DHRS7C: variants seen among roughly 807,000 people sequenced by gnomAD.
The protein encoded by DHRS7C is dehydrogenase/reductase 7C.
DHRS7C carries 28 observed loss-of-function variants against 29.6 expected under a neutral mutation model. The ratio of observed to expected loss-of-function variants is 0.95; its 90% CI spans 0.70 to 1.30. The LOEUF is 1.30. Ranked by LOEUF, DHRS7C falls within the 50% of genes most tolerant of loss-of-function variation. DHRS7C has a pLI of 0.00. For missense variants in DHRS7C, 403 were observed against 393.3 expected (o/e 1.02, Z -0.21); for synonymous variants, 158 against 160.2 (o/e 0.99, Z 0.10).
chr17:9,776,489 C>T (rs1473055342), intron 4 of DHRS7C, among the ~76,000 whole-genome samples: 1 of 152,194 alleles, frequency 6.6e-6, no homozygotes, highest in African/African-American at 2.4e-5. Flanking sequence ...CTCCCTTCTT[C>T]CCTTCCACCC....
At chr17:9,785,748 C>T (rs1360224685) in intron 1 of DHRS7C, among the ~76,000 whole-genome samples, 1 of 152,126 alleles carries the variant, frequency 6.6e-6, no homozygotes, top group Non-Finnish European at 1.5e-5. Flanking sequence ...ATGTGCCAGG[C>T]CCATGGACCT....
In DHRS7C at chr17:9,775,312, T is replaced by A. The variant is rs2001384; in HGVS notation, c.571+1881A>T. 0.011 allele frequency among the ~76,000 whole-genome samples: 1,688 copies of A among 152,328 alleles called. 85 individuals carry two copies. Among genetic ancestry groups the A allele is most frequent in the Admixed American group, 0.088 (1,348 of 15,300 alleles). On this transcript the variant is annotated intron_variant, in intron 4 of 5. Transcript: ENST00000571134. The surrounding 1 kb of genome is among the most constrained non-coding windows in gnomAD (Gnocchi z 4.2). ...GGCAAAGACTGCTGTATGTGGCCCA[T>A]TCACTCTGCCCTTCTTCCTGGGCCC...
chr17:9,783,998 A>G (rs1319436213), intron 1 of DHRS7C, among the ~76,000 whole-genome samples: 1 of 149,214 alleles, frequency 6.7e-6, no homozygotes, highest in Non-Finnish European at 1.5e-5. Flanking sequence ...TCTGGGAGGG[A>G]AAAAAAGCTG....
chr17:9,784,885 A>G (rs1314237380), intron 1 of DHRS7C, among the ~76,000 whole-genome samples: 1 of 152,282 alleles, frequency 6.6e-6, no homozygotes, highest in African/African-American at 2.4e-5. Context: ...GTCTATTGAC[A>G]TGGAACGAAG....
At chr17:9,791,011 G>A (rs1567705318) in intron 1 of DHRS7C, 120 bp downstream of exon 1, 21 of 1,237,724 alleles carry the variant, frequency 1.7e-5, no homozygotes, top group Non-Finnish European at 2.2e-5. Flanking sequence ...AGAGAACACA[G>A]GATCGATCCC....
chr17:9,783,393 C>T (rs1464818630), intron 1 of DHRS7C, among the ~76,000 whole-genome samples: 1 of 152,090 alleles, frequency 6.6e-6, no homozygotes, highest in African/African-American at 2.4e-5. Flanking sequence ...TTAAATTGAT[C>T]CAGTAAATCA....
intron 3 of DHRS7C, among the ~76,000 whole-genome samples, chr17:9,779,014 A>T (rs1024957532): frequency 1.3e-5 from 2 of 151,996 alleles, no homozygotes; most frequent in Non-Finnish European, 2.9e-5. Flanking sequence ...GGTTCAGAAG[A>T]TCCTCCTGCC....
At chr17:9,782,647 C>A (rs968577118) in intron 1 of DHRS7C, among the ~76,000 whole-genome samples, 1 of 152,218 alleles carries the variant, frequency 6.6e-6, no homozygotes, top group Non-Finnish European at 1.5e-5. Context: ...GGCATCTGCA[C>A]GCCATTTGCA....
Position 9,791,421 on chromosome 17 carries a change from G to A in DHRS7C, c.-137C>T, listed in dbSNP as rs558310198. On this transcript the variant is annotated 5_prime_UTR_variant, in exon 1 of 6. Transcript: ENST00000571134. ...AGCCTCCAAGCTGAACACCCAGTGG[G>A]CGTGCTAATCCCCAAATGTTCAACA... The A allele has an allele frequency of 2.2e-6, 2 of 918,462 alleles. No homozygotes were observed. The highest frequency in any genetic ancestry group is 3.1e-6 in the Non-Finnish European group (2 of 635,072). The allele number at this position is 918,462 out of a possible 1,614,324, so 56.9% of individuals were successfully genotyped here.
intron 3 of DHRS7C, among the ~76,000 whole-genome samples, chr17:9,778,659 G>GAC (rs1454092427): frequency 6.6e-6 from 1 of 152,176 alleles, no homozygotes; most frequent in Non-Finnish European, 1.5e-5. Flanking sequence ...TTATCTCTGG[G>GAC]ACACCATTCT....
rs1440256988 is a variant in DHRS7C at position 9,780,141 on chromosome 17, T to C, written c.268-106A>G. 7 of 876,378 alleles carry C rather than the reference T, an allele frequency of 8.0e-6. No individual in the cohort carries two copies. In the Admixed American group the frequency reaches 1.6e-4, roughly 20 times the overall value. 54.3% of individuals were successfully genotyped at this position (876,378 alleles called of 1,614,324 possible). ...CACCCATTTTGAAATTCAAAGATAA[T>C]GAAATGACTGAAAAAAAAAAAAAGA... On this transcript the variant is annotated intron_variant, in intron 2 of 5. Transcript: ENST00000571134.
In DHRS7C at chr17:9,774,818, T is replaced by C. The variant is rs376601986; in HGVS notation, c.572-1896A>G. ...GACCCCAGGTCACTCCCACGCCAGC[T>C]CCTTGTGTCTTTCCAAAGCCGGATT... On this transcript the variant is annotated intron_variant, in intron 4 of 5. Transcript: ENST00000571134. The surrounding 1 kb of genome is among the most constrained non-coding windows in gnomAD (Gnocchi z 5.0). Among the ~76,000 whole-genome samples the C allele has an allele frequency of 6.6e-6, 1 of 152,254 alleles. No individual in the cohort carries two copies. The highest frequency in any genetic ancestry group is 1.5e-5 in the Non-Finnish European group (1 of 68,018).
intron 4 of DHRS7C, among the ~76,000 whole-genome samples, chr17:9,773,297 G>C (rs2066342330): frequency 6.6e-6 from 1 of 151,882 alleles, no homozygotes; most frequent in South Asian, 2.1e-4. Flanking sequence ...CTTCCTTCCT[G>C]GGAAGGCTGA....
rs201282175 is a variant in DHRS7C, at chr17:9,779,959, T to G, written c.344A>C (p.Asp115Ala). ...GAGGATGTCCACACAGCCATAGCAA[T>G]CCAGGACTTCTTTTGCCACATCTGG... ...CVPDVAKEVLDCYGCVDILIN... is the reference protein window; with the variant it reads ...CVPDVAKEVLACYGCVDILIN... The change falls in exon 3 of 6, where the codon GAT (aspartate) becomes GCT (alanine). Residue 115 changes from aspartate (D) to alanine (A), a missense_variant. Physicochemically the swap from Asp to Ala is moderately radical, Grantham distance 126 (BLOSUM62 -2). Coordinates refer to ENST00000571134, the MANE Select transcript of DHRS7C (RefSeq NM_001105571.3). 2.0e-4 allele frequency: 319 copies of G among 1,613,882 alleles called. No individual in the cohort carries two copies. In the African/African-American group the frequency reaches 3.7e-3, roughly 19 times the overall value.
At chr17:9,783,339 G>T (rs555813594) in intron 1 of DHRS7C, among the ~76,000 whole-genome samples, 2 of 152,276 alleles carry the variant, frequency 1.3e-5, no homozygotes, top group African/African-American at 4.8e-5. Flanking sequence ...TCCGTGATGA[G>T]TCTGGATGAC....
rs2066347735 is a variant in DHRS7C, at chr17:9,774,101, A to G, written c.572-1179T>C. On this transcript the variant is annotated intron_variant, in intron 4 of 5. Transcript: ENST00000571134. The surrounding 1 kb of genome is among the most constrained non-coding windows in gnomAD (Gnocchi z 5.0). ...TACAAGTGTTACCAAAAAAAGGTCTACCAGCTTGTTTTTCATTCATCCACC... is the reference window on the plus strand; with the variant it reads ...TACAAGTGTTACCAAAAAAAGGTCTGCCAGCTTGTTTTTCATTCATCCACC... 6.6e-6 allele frequency among the ~76,000 whole-genome samples: 1 copy of G among 152,174 alleles called. No homozygotes were observed. The highest frequency in any genetic ancestry group is 6.5e-5 in the Admixed American group (1 of 15,278).
intron 1 of DHRS7C, among the ~76,000 whole-genome samples, chr17:9,782,636 A>G (rs1567702625): frequency 6.6e-6 from 1 of 152,202 alleles, no homozygotes. Flanking sequence ...TTGGGAAAGG[A>G]GGCATCTGCA....
rs1158130405 is a variant in DHRS7C at position 9,775,102 on chromosome 17, T to C, written c.571+2091A>G. ...CATGCCCATGTCTCATTATATTATG[T>C]CACCTCTGTGTTCCCATCACTTGGC... On this transcript the variant is annotated intron_variant, in intron 4 of 5. Coordinates refer to ENST00000571134, the MANE Select transcript of DHRS7C (RefSeq NM_001105571.3). The surrounding 1 kb of genome is among the most constrained non-coding windows in gnomAD (Gnocchi z 4.2). Among the ~76,000 whole-genome samples, 5 of 152,232 alleles carry C rather than the reference T, an allele frequency of 3.3e-5. No individual in the cohort carries two copies. The highest frequency in any genetic ancestry group is 1.2e-4 in the African/African-American group (5 of 41,448).
chr17:9,788,917 A>G (rs1045529541), intron 1 of DHRS7C, among the ~76,000 whole-genome samples: 2 of 152,114 alleles, frequency 1.3e-5, no homozygotes, highest in African/African-American at 4.8e-5. Context: ...TGGGTCAATG[A>G]GATATAGTAA....
Sources: gnomAD v4.1 joint callset for allele counts (sites outside exome capture counted in the v4.1 genomes callset) on GRCh38, gnomAD v4.1.1 for gene constraint, Gnocchi (gnomAD v3.1) non-coding constraint, MANE v1.5 for transcripts, NCBI Gene and HGNC (gene_info 2026-07-23, HGNC 2026-07-21) for gene names.